Variants in KCTD2 observed in about 807,000 individuals in gnomAD.
KCTD2 encodes the protein potassium channel tetramerization domain containing 2.
KCTD2 carries 18 observed loss-of-function variants against 27.9 expected under a neutral mutation model. That is an observed-to-expected ratio of 0.64 (90% CI 0.45 to 0.96). The LOEUF (loss-of-function observed/expected upper bound fraction) is 0.96. Among genes scored for constraint, KCTD2 ranks in the 40% least tolerant of loss-of-function variants. KCTD2 has a pLI of 0.00. For missense variants in KCTD2, 280 were observed against 348.0 expected (o/e 0.80, Z 1.56); for synonymous variants, 175 against 148.4 (o/e 1.18, Z -1.30).
At chr17:75,059,675 G>A in intron 4 of KCTD2, 70 bp downstream of exon 4, 2 of 1,208,802 alleles carry the variant, frequency 1.7e-6, no homozygotes, top group Admixed American at 1.9e-5. Context: ...AACAATCAGT[G>A]TGGATGGCCA....
chr17:75,047,213 C>G (rs2073230814), upstream of KCTD2: 2 of 608,020 alleles, frequency 3.3e-6, no homozygotes, highest in Non-Finnish European at 4.4e-6. Flanking sequence ...GCCGGCCCGG[C>G]TGCGCGCGGG....
chr17:75,044,602 A>G (rs574405676), upstream of KCTD2, among the ~76,000 whole-genome samples: 2 of 152,072 alleles, frequency 1.3e-5, no homozygotes, highest in East Asian at 1.9e-4. Flanking sequence ...TCAGCCTTGC[A>G]AAGTGCTGGA....
intron 3 of KCTD2, among the ~76,000 whole-genome samples, chr17:75,037,981 A>G (rs12951145): frequency 0.78 from 118,375 of 151,848 alleles, 47,235 homozygotes; most frequent in African/African-American, 0.94. Context: ...CCCATGAGGT[A>G]AAGGTTGCAG....
intron 2 of KCTD2, among the ~76,000 whole-genome samples, chr17:75,049,785 A>T (rs2073265904): frequency 6.6e-6 from 1 of 152,216 alleles, no homozygotes; most frequent in Admixed American, 6.5e-5. Flanking sequence ...TTCCCTGTAA[A>T]TGTTTGCAGC....
intron 2 of KCTD2, among the ~76,000 whole-genome samples, chr17:75,051,445 T>G (rs1006188689): frequency 2.0e-5 from 3 of 151,780 alleles, no homozygotes; most frequent in Middle Eastern, 3.2e-3. Context: ...CCACCACGCC[T>G]GGCTAATTTT....
intron 1 of KCTD2, 63 bp from the exon 2 acceptor site, chr17:75,049,157 C>A: frequency 3.1e-6 from 3 of 971,828 alleles, no homozygotes; most frequent in South Asian, 1.7e-5. Flanking sequence ...TGAAATCCTG[C>A]CCTGCCTTTG....
upstream of KCTD2, among the ~76,000 whole-genome samples, chr17:75,044,068 G>A (rs1400264592): frequency 7.0e-6 from 1 of 142,772 alleles, no homozygotes; most frequent in Non-Finnish European, 1.5e-5. Flanking sequence ...TCTGTCCCCC[G>A]GGCTGGAGTG....
chr17:75,051,583 CT>C (rs35059350), intron 2 of KCTD2, among the ~76,000 whole-genome samples: 12,699 of 145,922 alleles, frequency 0.087, 825 homozygotes, highest in African/African-American at 0.19. Context: ...CATGCCCGAC[CT>C]TTTTTTTTTT....
upstream of KCTD2, among the ~76,000 whole-genome samples, chr17:75,043,405 A>T (rs894220346): frequency 6.6e-6 from 1 of 152,186 alleles, no homozygotes; most frequent in Non-Finnish European, 1.5e-5. Flanking sequence ...TGAGGTCAGG[A>T]GTTCAAGACC....
intron 3 of KCTD2, among the ~76,000 whole-genome samples, chr17:75,058,796 TTAAAAAA>T (rs916214029): frequency 6.8e-6 from 1 of 146,104 alleles, no homozygotes; most frequent in African/African-American, 2.6e-5. Context: ...AGACTGTGTC[TTAAAAAA>T]TAATAATAAA....
At chr17:75,046,628 A>G (rs369432437), upstream of KCTD2, among the ~76,000 whole-genome samples, 4 of 152,298 alleles carry the variant, frequency 2.6e-5, no homozygotes, top group African/African-American at 9.6e-5. Flanking sequence ...TCCCCCCACC[A>G]AACTATTGAA....
At chr17:75,040,058 A>G (rs1481231892) in intron 3 of KCTD2, 2 of 1,610,890 alleles carry the variant, frequency 1.2e-6, no homozygotes, top group Non-Finnish European at 1.7e-6. Flanking sequence ...AGATCAAGAG[A>G]ATTTTAGAAT....
At chr17:75,053,859 T>C (rs1328894545) in intron 3 of KCTD2, among the ~76,000 whole-genome samples, 1 of 86,222 alleles carries the variant, frequency 1.2e-5, no homozygotes, top group Non-Finnish European at 2.1e-5. Flanking sequence ...TGAACCATGC[T>C]TTTTTTTTTT....
chr17:75,053,221 T>G (rs1405554996), intron 3 of KCTD2, 116 bp downstream of exon 3: 1 of 796,118 alleles, frequency 1.3e-6, no homozygotes, highest in Non-Finnish European at 2.1e-6. Flanking sequence ...GGAACACCGT[T>G]TGCAGTGCAG....
chr17:75,049,216 G>A lies in KCTD2; in HGVS notation c.340-4G>A. ...ACAATGATACCCTTGTGTTTGGTTG[G>A]CAGGATGAGACAGGAGCCTATCTGA... On this transcript the variant is annotated splice_region_variant and splice_polypyrimidine_tract_variant and intron_variant, in intron 1 of 5. Coordinates refer to ENST00000322444, the MANE Select transcript of KCTD2 (RefSeq NM_015353.3). 2.5e-6 allele frequency: 4 copies of A among 1,585,516 alleles called. No individual in the cohort carries two copies. The highest frequency in any genetic ancestry group is 3.5e-6 in the Non-Finnish European group (4 of 1,155,256).
chr17:75,051,277 CTTT>C (rs35794705), intron 2 of KCTD2, among the ~76,000 whole-genome samples: 3,669 of 64,280 alleles, frequency 0.057, 107 homozygotes, highest in East Asian at 0.37. Flanking sequence ...CGCGCCCGAC[CTTT>C]TTTTTTTTTT....
upstream of KCTD2, chr17:75,047,141 C>G (rs1455169750): frequency 3.5e-6 from 1 of 288,742 alleles, no homozygotes; most frequent in Non-Finnish European, 6.1e-6. Context: ...GCGCTCCCGT[C>G]CCTCTCCCCT....
chr17:75,039,509 T>G, intron 3 of KCTD2: 1 of 512,250 alleles, frequency 2.0e-6, no homozygotes, highest in Non-Finnish European at 3.5e-6. Flanking sequence ...TTCTGCAAGT[T>G]CCTCATCCGA....
intron 3 of KCTD2, among the ~76,000 whole-genome samples, chr17:75,057,903 C>G (rs1342477523): frequency 1.3e-5 from 2 of 151,786 alleles, no homozygotes; most frequent in Non-Finnish European, 2.9e-5. Context: ...AGAAAAAATA[C>G]AGCATTGTCG....
Sources: allele counts gnomAD v4.1 joint callset (sites outside exome capture counted in the v4.1 genomes callset), GRCh38; gene constraint gnomAD v4.1.1; transcripts MANE v1.5; gene names NCBI Gene and HGNC (gene_info 2026-07-23, HGNC 2026-07-21).